The following GSG1L variants were observed in gnomAD, a reference collection of about 807,000 sequenced individuals.
GSG1L encodes GSG1 like.
GSG1L carries 24 observed loss-of-function variants against 42.1 expected under a neutral mutation model. The ratio of observed to expected loss-of-function variants is 0.57; its 90% confidence interval spans 0.41 to 0.80. The LOEUF is 0.80. Among genes scored for constraint, GSG1L ranks in the 30% least tolerant of loss-of-function variants. The probability of loss-of-function intolerance (pLI) is 0.00; values close to 1 mark genes in which losing one functional copy is unlikely to be tolerated. For synonymous variants in GSG1L, 215 were observed against 203.5 expected, an observed-to-expected ratio of 1.06 and a Z score of -0.48; for missense variants, 445 against 472.2, an observed-to-expected ratio of 0.94 and a Z score of 0.53.
intron 4 of GSG1L, among the ~76,000 whole-genome samples, chr16:27,840,224 AT>A (rs1228200040): frequency 5.9e-5 from 9 of 151,500 alleles, no homozygotes; most frequent in Non-Finnish European, 7.4e-5. Context: ...TGTTTTAGAG[AT>A]TGGGTCTGGC....
At chr16:28,022,774 T>C (rs567113819) in intron 1 of GSG1L, among the ~76,000 whole-genome samples, 1 of 152,274 alleles carries the variant, frequency 6.6e-6, no homozygotes, top group South Asian at 2.1e-4. Context: ...TTCAAGCGAT[T>C]CTCCTGCCTC....
intron 2 of GSG1L, among the ~76,000 whole-genome samples, chr16:27,903,477 C>T (rs866431207): frequency 1.3e-5 from 2 of 152,170 alleles, no homozygotes; most frequent in Non-Finnish European, 2.9e-5. Flanking sequence ...AGAGTCGTCC[C>T]CTGCGGACCC....
chr16:27,867,771 C>T (rs1596568638), intron 3 of GSG1L, among the ~76,000 whole-genome samples: 1 of 151,928 alleles, frequency 6.6e-6, no homozygotes, highest in South Asian at 2.1e-4. Flanking sequence ...GCCCCACCCA[C>T]CCACTCGGCT....
At chr16:27,979,659 G>GAAAGAAAGAAAGAAAGAAAT (rs2085292264) in intron 1 of GSG1L, among the ~76,000 whole-genome samples, 1 of 59,130 alleles carries the variant, frequency 1.7e-5, no homozygotes, top group Non-Finnish European at 3.3e-5. Context: ...AAGAAAGAAA[G>GAAAGAAAGAAAGAAAGAAAT]AAAGAGAGAG....
chr16:27,997,544 A>C (rs1349551856), intron 1 of GSG1L, among the ~76,000 whole-genome samples: 1 of 151,742 alleles, frequency 6.6e-6, no homozygotes. Context: ...ATAACCTCCC[A>C]TATCAAAATC....
chr16:27,824,313 A>C (rs538094464), intron 5 of GSG1L, among the ~76,000 whole-genome samples: 22 of 152,338 alleles, frequency 1.4e-4, no homozygotes, highest in African/African-American at 5.3e-4. Flanking sequence ...ACATAGCAGC[A>C]AAGAGATAGA....
intron 2 of GSG1L, among the ~76,000 whole-genome samples, chr16:27,919,868 C>T (rs2084504508): frequency 6.6e-6 from 1 of 152,220 alleles, no homozygotes; most frequent in Non-Finnish European, 1.5e-5. Context: ...CCATATCTTT[C>T]AATGCTTATT....
chr16:27,813,152 AT>A (rs1280247733), intron 5 of GSG1L, among the ~76,000 whole-genome samples: 1 of 152,088 alleles, frequency 6.6e-6, no homozygotes, highest in African/African-American at 2.4e-5. Flanking sequence ...GGTAAATTGC[AT>A]GTCACGGGGG....
intron 2 of GSG1L, chr16:27,888,031 G>A (rs2084050236): frequency 1.1e-6 from 1 of 908,332 alleles, no homozygotes; most frequent in Admixed American, 6.2e-5. Context: ...GCCCCCAGGA[G>A]GTTTCATCCC....
chr16:27,876,932 G>A (rs558224019), intron 3 of GSG1L, among the ~76,000 whole-genome samples: 1 of 152,272 alleles, frequency 6.6e-6, no homozygotes, highest in Non-Finnish European at 1.5e-5. Context: ...ATTATTTCCC[G>A]GAGATGGACA....
In GSG1L at chr16:27,888,462, T is replaced by TTCTC. The variant is rs376201128; in HGVS notation, c.398-3828_398-3825dup. Among the ~76,000 whole-genome samples, 2 of 37,914 alleles carry TTCTC rather than the reference T, an allele frequency of 5.3e-5. 1 individual carries two copies. Among genetic ancestry groups the TTCTC allele is most frequent in the East Asian group, 1.4e-3 (2 of 1,460 alleles). 24.9% of individuals were successfully genotyped at this position (37,914 alleles called of 152,430 possible). On this transcript the variant is annotated intron_variant, in intron 2 of 6. Coordinates refer to ENST00000447459, the MANE Select transcript of GSG1L (RefSeq NM_001109763.2). ...TTTCTTTCTTTCTTTCTTTCTTTCT[T>TTCTC]TCTCTCTCTCTCTCTCTTTCCTTTC...
intron 1 of GSG1L, among the ~76,000 whole-genome samples, chr16:27,987,964 A>AAG (rs1350786118): frequency 1.4e-5 from 2 of 147,258 alleles, no homozygotes; most frequent in East Asian, 3.9e-4. Context: ...AAAAAAAAAA[A>AAG]AAACCGGAAA....
chr16:28,063,369 GC>G lies in GSG1L; in HGVS notation c.55del (p.Ala19ArgfsTer174). 1 of 1,401,190 alleles carries G rather than the reference GC, an allele frequency of 7.1e-7. No individual in the cohort carries two copies. The highest frequency in any genetic ancestry group is 1.3e-5 in the South Asian group (1 of 75,100). The allele number at this position is 1,401,190 out of a possible 1,614,324, so 86.8% of individuals were successfully genotyped here. ...GAAAGCGGTGGTGGCGAACAGCAGC[GC>G]CAGCAGGTTCAGGGCCACGGCCAGG... is the stretch of plus-strand genomic sequence containing the variant. ...ALLAVALNLL[A>X]LLFATTAFLT... On this transcript the variant is annotated frameshift_variant, in exon 1 of 7. Coordinates refer to ENST00000447459, the MANE Select transcript of GSG1L (RefSeq NM_001109763.2). LOFTEE classifies it high-confidence loss of function. This position sits in a 1 kb window ranked among gnomAD's most constrained non-coding sequence, Gnocchi z 5.8.
intron 1 of GSG1L, among the ~76,000 whole-genome samples, chr16:28,036,747 T>G (rs2086043036): frequency 6.6e-6 from 1 of 152,302 alleles, no homozygotes; most frequent in East Asian, 1.9e-4. Context: ...TCTCCATCAC[T>G]GTCTCTCTCT....
At chr16:27,928,462 C>A (rs528342647) in intron 2 of GSG1L, among the ~76,000 whole-genome samples, 1 of 152,166 alleles carries the variant, frequency 6.6e-6, no homozygotes, top group Admixed American at 6.5e-5. Context: ...TCCAAGACGG[C>A]CCCCAGCCCA....
chr16:27,947,997 G>A (rs1037648771), intron 2 of GSG1L, among the ~76,000 whole-genome samples: 1 of 152,182 alleles, frequency 6.6e-6, no homozygotes, highest in African/African-American at 2.4e-5. Context: ...CCCATGGTGT[G>A]ACGGCCAAAG....
chr16:27,857,439 A>G (rs1227675082), intron 3 of GSG1L, among the ~76,000 whole-genome samples: 9 of 151,002 alleles, frequency 6.0e-5, no homozygotes, highest in East Asian at 2.0e-4. Context: ...AAAAAAAAAA[A>G]AAAGAAAGAA....
At chr16:28,014,840 C>T (rs969361708) in intron 1 of GSG1L, among the ~76,000 whole-genome samples, 2 of 151,918 alleles carry the variant, frequency 1.3e-5, no homozygotes, top group African/African-American at 4.8e-5. Flanking sequence ...GCAATGAATA[C>T]CTATTTGGTA....
intron 1 of GSG1L, among the ~76,000 whole-genome samples, chr16:27,991,474 C>T (rs910176105): frequency 7.3e-5 from 11 of 151,586 alleles, no homozygotes; most frequent in Admixed American, 5.9e-4. Flanking sequence ...GGTGCAATCT[C>T]GGCTCACTGC....
Sources: gnomAD v4.1 joint callset for allele counts (sites outside exome capture counted in the v4.1 genomes callset) on GRCh38, gnomAD v4.1.1 for gene constraint, Gnocchi (gnomAD v3.1) non-coding constraint, MANE v1.5 for transcripts, NCBI Gene and HGNC (gene_info 2026-07-23, HGNC 2026-07-21) for gene names.